Variants in OR5K2 observed in about 807,000 individuals in gnomAD.
OR5K2 encodes the protein olfactory receptor 5K2.
For missense variants in OR5K2, 402 were observed against 369.8 expected, an observed-to-expected ratio of 1.09 and a Z score of -0.71; for synonymous variants, 124 against 133.2, an observed-to-expected ratio of 0.93 and a Z score of 0.48.
rs528650887 is a variant in OR5K2, at chr3:98,497,954, A to T, written c.274A>T (p.Ile92Phe). The T allele has an allele frequency of 1.5e-5, 24 of 1,614,088 alleles. No homozygotes were observed. The South Asian group carries it at 2.5e-4, about 17-fold the overall frequency. ...LENFFSEGKR[I>F]SLYECAVQFY... ...GAACTTCTTTTCTGAGGGCAAAAGG[A>T]TTTCCCTCTATGAATGTGCAGTACA... The change falls in exon 1 of 1, where the codon ATT (isoleucine) becomes TTT (phenylalanine). Residue 92 changes from isoleucine (I) to phenylalanine (F), a missense_variant. By Grantham distance (21) the Ile-to-Phe change is conservative. Transcript: ENST00000427338.
chr3:98,498,377 G>T lies in OR5K2; in HGVS notation c.697G>T (p.Gly233Ter). ...LTIFRMKSKEGRAKAFSTCAS... is the reference protein window; with the variant it reads ...LTIFRMKSKE ...TATTTTCAGAATGAAATCCAAGGAGGGAAGGGCCAAAGCCTTTTCTACTTG... is the reference window on the plus strand; with the variant it reads ...TATTTTCAGAATGAAATCCAAGGAGTGAAGGGCCAAAGCCTTTTCTACTTG... Residue 233 changes from glycine to a stop codon, truncating the protein, a stop_gained, in exon 1 of 1, where the codon GGA (glycine) becomes TGA (stop). Transcript: ENST00000427338. LOFTEE classifies it low-confidence loss of function (END_TRUNC). 6.2e-7 allele frequency: 1 copy of T among 1,613,528 alleles called. No homozygotes were observed. The highest frequency in any genetic ancestry group is 8.5e-7 in the Non-Finnish European group (1 of 1,179,672).
chr3:98,498,483 G>A lies in OR5K2; in HGVS notation c.803G>A (p.Gly268Glu). The change falls in exon 1 of 1, where the codon GGA (glycine) becomes GAA (glutamate). Residue 268 changes from glycine (G) to glutamate (E), a missense_variant. Physicochemically the swap from Gly to Glu is moderately conservative, Grantham distance 98. Transcript: ENST00000427338. ...LYIRPNLLEEGGNDIPAAILF... is the reference protein window; with the variant it reads ...LYIRPNLLEEEGNDIPAAILF... ...ATTAGACCAAATTTGCTTGAAGAAG[G>A]AGGTAATGATATACCAGCTGCTATT... 1 of 1,611,848 alleles carries A rather than the reference G, an allele frequency of 6.2e-7. No individual in the cohort carries two copies. The highest frequency in any genetic ancestry group is 8.5e-7 in the Non-Finnish European group (1 of 1,178,278).
rs1167738047 is a variant in OR5K2, at chr3:98,498,441, C to G, written c.761C>G (p.Ser254Cys). Reference sequence around the variant, plus strand: ...TCATCAGTTTCATTATTCTATGGATCTATTTTTTTCCTATACATTAGACCA... The same window carrying G: ...TCATCAGTTTCATTATTCTATGGATGTATTTTTTTCCTATACATTAGACCA... ...HFSSVSLFYGSIFFLYIRPNL... is the reference protein window; with the variant it reads ...HFSSVSLFYGCIFFLYIRPNL... Residue 254 changes from serine (S) to cysteine (C), a missense_variant, in exon 1 of 1, where the codon TCT becomes TGT. Coordinates refer to ENST00000427338, the MANE Select transcript of OR5K2 (RefSeq NM_001004737.1). 1 of 1,613,442 alleles carries G rather than the reference C, an allele frequency of 6.2e-7. No homozygotes were observed. Among genetic ancestry groups the G allele is most frequent in the Non-Finnish European group, 8.5e-7 (1 of 1,179,664 alleles).
chr3:98,498,384 C>T lies in OR5K2; in HGVS notation c.704C>T (p.Ala235Val), dbSNP rs2107113588. The T allele has an allele frequency of 6.2e-7, 1 of 1,613,512 alleles. No individual in the cohort carries two copies. Among genetic ancestry groups the T allele is most frequent in the East Asian group, 2.2e-5 (1 of 44,864 alleles). ...AGAATGAAATCCAAGGAGGGAAGGG[C>T]CAAAGCCTTTTCTACTTGTGCATCC... The part of the protein sequence containing the change: ...IFRMKSKEGR[A>V]KAFSTCASHF... Residue 235 changes from alanine to valine, a missense_variant, in exon 1 of 1, where the codon GCC becomes GTC. By Grantham distance (64) the Ala-to-Val change is moderately conservative. Transcript: ENST00000427338.
rs1221698935 is a variant in OR5K2 at position 98,498,074 on chromosome 3, T to G, written c.394T>G (p.Tyr132Asp). 6.2e-7 allele frequency: 1 copy of G among 1,613,972 alleles called. No individual in the cohort carries two copies. Among genetic ancestry groups the G allele is most frequent in the Admixed American group, 1.7e-5 (1 of 59,926 alleles). The change falls in exon 1 of 1, where the codon TAC becomes GAC. Residue 132 changes from tyrosine to aspartate, a missense_variant. Transcript: ENST00000427338. The part of the protein sequence containing the change: ...RYVAICNPLQ[Y>D]HIMMSKKLCI... ...TGTGGCCATCTGCAACCCACTGCAGTACCACATCATGATGTCCAAGAAACT... is the reference window on the plus strand; with the variant it reads ...TGTGGCCATCTGCAACCCACTGCAGGACCACATCATGATGTCCAAGAAACT...
chr3:98,498,273 T>C lies in OR5K2; in HGVS notation c.593T>C (p.Val198Ala). 1.2e-6 allele frequency: 2 copies of C among 1,614,016 alleles called. No individual in the cohort carries two copies. Among genetic ancestry groups the C allele is most frequent in the South Asian group, 1.1e-5 (1 of 91,076 alleles). ...SCVDPFINEL[V>A]LFIFSGSVQV... ...GTTGACCCTTTCATCAATGAACTGG[T>C]TCTATTCATCTTCTCAGGTTCAGTT... Residue 198 changes from valine (V) to alanine (A), a missense_variant, in exon 1 of 1, where the codon GTT becomes GCT. Transcript: ENST00000427338.
Position 98,498,072 on chromosome 3 carries a change from A to C in OR5K2, c.392A>C (p.Gln131Pro), listed in dbSNP as rs767821291. ...DRYVAICNPL[Q>P]YHIMMSKKLC... is the part of the protein sequence containing the mutation. ...TATGTGGCCATCTGCAACCCACTGC[A>C]GTACCACATCATGATGTCCAAGAAA... is the stretch of plus-strand genomic sequence containing the variant. The change falls in exon 1 of 1, where the codon CAG (glutamine) becomes CCG (proline). Residue 131 changes from glutamine (Q) to proline (P), a missense_variant. Transcript: ENST00000427338. 1.9e-6 allele frequency: 3 copies of C among 1,614,088 alleles called. No individual in the cohort carries two copies. The highest frequency in any genetic ancestry group is 4.5e-5 in the East Asian group (2 of 44,876).
Position 98,498,283 on chromosome 3 carries a change from C to T in OR5K2, c.603C>T (p.Ile201=), listed in dbSNP as rs377527417. The part of the protein sequence containing the change: ...DPFINELVLF[I]FSGSVQVFTI... The stretch of plus-strand genomic sequence containing the variant: ...TCATCAATGAACTGGTTCTATTCAT[C>T]TTCTCAGGTTCAGTTCAAGTCTTTA... The change falls in exon 1 of 1, where the codon ATC becomes ATT. Residue 201 remains isoleucine, a synonymous_variant. Coordinates refer to ENST00000427338, the MANE Select transcript of OR5K2 (RefSeq NM_001004737.1). The T allele has an allele frequency of 1.9e-6, 3 of 1,613,972 alleles. No individual in the cohort carries two copies. The highest frequency in any genetic ancestry group is 2.2e-5 in the East Asian group (1 of 44,878).
In OR5K2 at chr3:98,498,630, G is replaced by C; in HGVS notation, c.950G>C (p.Ter317SerextTer?). 3 of 1,512,776 alleles carry C rather than the reference G, an allele frequency of 2.0e-6. No individual in the cohort carries two copies. Among genetic ancestry groups the C allele is most frequent in the Non-Finnish European group, 2.7e-6 (3 of 1,106,644 alleles). 93.7% of individuals were successfully genotyped at this position (1,512,776 alleles called of 1,614,324 possible). ...AAATCTCAAGGAAGTGTGAACAAAT[G>C]ACATCTATCCTAGCTTAATGGTTTA... Reference protein sequence around the residue: ...KIKSQGSVNK* With the variant: ...KIKSQGSVNKS The change falls in exon 1 of 1, where the codon TGA (stop) becomes TCA (serine). Residue 317 changes from the stop codon to serine (S), a stop_lost. Coordinates refer to ENST00000427338, the MANE Select transcript of OR5K2 (RefSeq NM_001004737.1).
rs1705720702 is a variant in OR5K2 at position 98,497,786 on chromosome 3, C to G, written c.106C>G (p.Leu36Val). ...LLFVVFFAIY[L>V]ITVVGNISLV... ...GTTTGTGGTGTTCTTTGCCATCTATCTGATCACCGTGGTGGGGAATATTAG... is the reference window on the plus strand; with the variant it reads ...GTTTGTGGTGTTCTTTGCCATCTATGTGATCACCGTGGTGGGGAATATTAG... The change falls in exon 1 of 1, where the codon CTG becomes GTG. Residue 36 changes from leucine to valine, a missense_variant. Coordinates refer to ENST00000427338, the MANE Select transcript of OR5K2 (RefSeq NM_001004737.1). 2 of 1,613,912 alleles carry G rather than the reference C, an allele frequency of 1.2e-6. No homozygotes were observed. The highest frequency in any genetic ancestry group is 1.7e-6 in the Non-Finnish European group (2 of 1,179,980).
Position 98,498,118 on chromosome 3 carries a change from A to T in OR5K2, c.438A>T (p.Thr146=). Residue 146 remains threonine, a synonymous_variant, in exon 1 of 1, where the codon ACA becomes ACT. Transcript: ENST00000427338. ...AGAAACTCTGCATTCAGATGACCACAGGCGCCTTCATAGCTGGAAATCTGC... is the reference window on the plus strand; with the variant it reads ...AGAAACTCTGCATTCAGATGACCACTGGCGCCTTCATAGCTGGAAATCTGC... ...MSKKLCIQMT[T]GAFIAGNLHS... The T allele has an allele frequency of 6.2e-7, 1 of 1,614,072 alleles. No homozygotes were observed. Among genetic ancestry groups the T allele is most frequent in the Non-Finnish European group, 8.5e-7 (1 of 1,179,976 alleles).
Position 98,498,307 on chromosome 3 carries a change from T to C in OR5K2, c.627T>C (p.Phe209=). 2 of 1,613,814 alleles carry C rather than the reference T, an allele frequency of 1.2e-6. No homozygotes were observed. Among genetic ancestry groups the C allele is most frequent in the South Asian group, 1.1e-5 (1 of 91,048 alleles). The part of the protein sequence containing the change: ...LFIFSGSVQV[F]TIGSVLISYL... ...TCTTCTCAGGTTCAGTTCAAGTCTTTACCATAGGTAGTGTCTTAATATCTT... is the reference window on the plus strand; with the variant it reads ...TCTTCTCAGGTTCAGTTCAAGTCTTCACCATAGGTAGTGTCTTAATATCTT... Residue 209 remains phenylalanine, a synonymous_variant, in exon 1 of 1, where the codon TTT becomes TTC. Coordinates refer to ENST00000427338, the MANE Select transcript of OR5K2 (RefSeq NM_001004737.1).
rs369204747 is a variant in OR5K2 at position 98,497,948 on chromosome 3, A to G, written c.268A>G (p.Lys90Glu). The stretch of plus-strand genomic sequence containing the variant: ...GTTAGAGAACTTCTTTTCTGAGGGC[A>G]AAAGGATTTCCCTCTATGAATGTGC... ...KMLENFFSEG[K>E]RISLYECAVQ... Residue 90 changes from lysine to glutamate, a missense_variant, in exon 1 of 1, where the codon AAA (lysine) becomes GAA (glutamate). By Grantham distance (56) the Lys-to-Glu change is moderately conservative. Coordinates refer to ENST00000427338, the MANE Select transcript of OR5K2 (RefSeq NM_001004737.1). The G allele has an allele frequency of 1.9e-6, 3 of 1,613,972 alleles. No homozygotes were observed. The African/African-American group carries it at 4.0e-5, about 22-fold the overall frequency.
chr3:98,498,171 T>C lies in OR5K2; in HGVS notation c.491T>C (p.Phe164Ser). 1 of 1,614,076 alleles carries C rather than the reference T, an allele frequency of 6.2e-7. No homozygotes were observed. The highest frequency in any genetic ancestry group is 8.5e-7 in the Non-Finnish European group (1 of 1,179,966). ...LHSMIHVGLV[F>S]RLVFCGLNHI... ...TCCATGATTCATGTAGGGCTTGTAT[T>C]TAGGTTAGTTTTCTGTGGATTGAAT... The change falls in exon 1 of 1, where the codon TTT becomes TCT. Residue 164 changes from phenylalanine (F) to serine (S), a missense_variant. By Grantham distance (155) the Phe-to-Ser change is radical (BLOSUM62 -2). Coordinates refer to ENST00000427338, the MANE Select transcript of OR5K2 (RefSeq NM_001004737.1).
chr3:98,497,964 A>G lies in OR5K2; in HGVS notation c.284A>G (p.Tyr95Cys), dbSNP rs770761777. 3.1e-6 allele frequency: 5 copies of G among 1,614,136 alleles called. 1 individual carries two copies. The South Asian group carries it at 5.5e-5, about 18-fold the overall frequency. ...TCTGAGGGCAAAAGGATTTCCCTCT[A>G]TGAATGTGCAGTACAGTTTTATTTT... ...FFSEGKRISL[Y>C]ECAVQFYFLC... Residue 95 changes from tyrosine to cysteine, a missense_variant, in exon 1 of 1, where the codon TAT (tyrosine) becomes TGT (cysteine). Coordinates refer to ENST00000427338, the MANE Select transcript of OR5K2 (RefSeq NM_001004737.1).
rs757870406 is a variant in OR5K2, at chr3:98,498,296, G to T, written c.616G>T (p.Val206Phe). Reference protein sequence around the residue: ...ELVLFIFSGSVQVFTIGSVLI... With the variant: ...ELVLFIFSGSFQVFTIGSVLI... ...GGTTCTATTCATCTTCTCAGGTTCA[G>T]TTCAAGTCTTTACCATAGGTAGTGT... The change falls in exon 1 of 1, where the codon GTT becomes TTT. Residue 206 changes from valine to phenylalanine, a missense_variant. Val to Phe is a conservative substitution (Grantham distance 50, BLOSUM62 -1). Transcript: ENST00000427338. 6.2e-7 allele frequency: 1 copy of T among 1,613,780 alleles called. No homozygotes were observed. The highest frequency in any genetic ancestry group is 1.3e-5 in the African/African-American group (1 of 74,858).
chr3:98,498,224 C>T lies in OR5K2; in HGVS notation c.544C>T (p.Leu182Phe), dbSNP rs1282872937. ...CATCAACCACTTTTACTGTGATACT[C>T]TTCCCTTGTATAGACTCTCCTGTGT... ...NHINHFYCDT[L>F]PLYRLSCVDP... The change falls in exon 1 of 1, where the codon CTT becomes TTT. Residue 182 changes from leucine to phenylalanine, a missense_variant. Physicochemically the swap from Leu to Phe is conservative, Grantham distance 22 (BLOSUM62 0). Coordinates refer to ENST00000427338, the MANE Select transcript of OR5K2 (RefSeq NM_001004737.1). The T allele has an allele frequency of 6.2e-7, 1 of 1,613,998 alleles. No individual in the cohort carries two copies. The highest frequency in any genetic ancestry group is 8.5e-7 in the Non-Finnish European group (1 of 1,179,980).
rs752304363 is a variant in OR5K2 at position 98,498,352 on chromosome 3, T to C, written c.672T>C (p.Thr224=). 1 of 1,613,862 alleles carries C rather than the reference T, an allele frequency of 6.2e-7. No individual in the cohort carries two copies. The highest frequency in any genetic ancestry group is 8.5e-7 in the Non-Finnish European group (1 of 1,179,846). ...VLISYLYILL[T]IFRMKSKEGR... is the part of the protein sequence containing the mutation. ...TATCTTATCTCTATATTCTTCTTAC[T>C]ATTTTCAGAATGAAATCCAAGGAGG... The change falls in exon 1 of 1, where the codon ACT becomes ACC. Residue 224 remains threonine (T), a synonymous_variant. Coordinates refer to ENST00000427338, the MANE Select transcript of OR5K2 (RefSeq NM_001004737.1).
At position 98,497,868 on chromosome 3, in the gene OR5K2, T is replaced by A; in HGVS notation, c.188T>A (p.Leu63Gln). Residue 63 changes from leucine (L) to glutamine (Q), a missense_variant, in exon 1 of 1, where the codon CTG (leucine) becomes CAG (glutamine). By Grantham distance (113) the Leu-to-Gln change is moderately radical (BLOSUM62 -2). Transcript: ENST00000427338. ...CTTCACACACCAATGTACATCTTTC[T>A]GGGAAATCTGGCTCTTGTGGATTCT... is the stretch of plus-strand genomic sequence containing the variant. ...CRLHTPMYIF[L>Q]GNLALVDSCC... The A allele has an allele frequency of 6.2e-7, 1 of 1,614,090 alleles. No individual in the cohort carries two copies. The highest frequency in any genetic ancestry group is 8.5e-7 in the Non-Finnish European group (1 of 1,179,972).
Sources: allele counts gnomAD v4.1 joint callset, GRCh38; gene constraint gnomAD v4.1.1; transcripts MANE v1.5; gene names NCBI Gene and HGNC (gene_info 2026-07-23, HGNC 2026-07-21).